The following PABPC4L variants were observed in gnomAD, a reference collection of about 807,000 sequenced individuals.
PABPC4L encodes the protein polyadenylate-binding protein 4-like.
For missense variants in PABPC4L, 452 were observed against 451.4 expected (o/e 1.00, Z -0.01); for synonymous variants, 169 against 164.1 (o/e 1.03, Z -0.23).
At chr4:133,987,186 ACTGCTCATATCACATTGTC>A in the PABPC4L span, among the ~76,000 whole-genome samples, 1 of 152,198 alleles carries the variant, frequency 6.6e-6, no homozygotes, top group African/African-American at 2.4e-5. Context: ...AAATGTCAAT[ACTGCTCATATCACATTGTC>A]CTGTTACTTA....
chr4:133,972,257 T>C, the PABPC4L span, among the ~76,000 whole-genome samples: 5 of 152,176 alleles, frequency 3.3e-5, no homozygotes, highest in African/African-American at 1.2e-4. Flanking sequence ...TGGTTAGGGG[T>C]GATTAAAGCA....
the PABPC4L span, among the ~76,000 whole-genome samples, chr4:134,054,781 T>C: frequency 6.6e-6 from 1 of 152,068 alleles, no homozygotes; most frequent in East Asian, 1.9e-4. Context: ...TTGTTTAACC[T>C]TCCAACTCAT....
the PABPC4L span, among the ~76,000 whole-genome samples, chr4:133,996,418 C>G: frequency 1.3e-5 from 2 of 152,112 alleles, no homozygotes; most frequent in Admixed American, 6.5e-5. Flanking sequence ...CTTAATTGAG[C>G]CTGCGAGACG....
the PABPC4L span, among the ~76,000 whole-genome samples, chr4:134,151,937 T>A: frequency 6.6e-6 from 1 of 151,410 alleles, no homozygotes; most frequent in Admixed American, 6.6e-5. Context: ...TTGCAAAAAA[T>A]AATGTAACAT....
the PABPC4L span, among the ~76,000 whole-genome samples, chr4:133,976,833 G>A: frequency 2.3e-3 from 347 of 151,954 alleles, 1 homozygote; most frequent in Non-Finnish European, 1.7e-3. Flanking sequence ...GTAAATTTGC[G>A]TGAGTTCCTT....
At chr4:134,194,648 T>C (rs906851116), downstream of PABPC4L, among the ~76,000 whole-genome samples, 1 of 151,736 alleles carries the variant, frequency 6.6e-6, no homozygotes, top group African/African-American at 2.4e-5. Flanking sequence ...GCTTTCACCA[T>C]ATATTTTTTC....
At chr4:134,116,273 C>T in the PABPC4L span, among the ~76,000 whole-genome samples, 1 of 151,706 alleles carries the variant, frequency 6.6e-6, no homozygotes, top group African/African-American at 2.4e-5. Context: ...GTGGAAGAGT[C>T]ACATTACATG....
chr4:133,975,853 A>G, the PABPC4L span, among the ~76,000 whole-genome samples: 3 of 152,176 alleles, frequency 2.0e-5, no homozygotes, highest in African/African-American at 4.8e-5. Flanking sequence ...ATCCTGATAT[A>G]AAAATATAAG....
At chr4:134,105,503 T>C in the PABPC4L span, among the ~76,000 whole-genome samples, 1 of 151,686 alleles carries the variant, frequency 6.6e-6, no homozygotes, top group Non-Finnish European at 1.5e-5. Context: ...TTGCTGATTC[T>C]AAGGATGCCT....
the PABPC4L span, among the ~76,000 whole-genome samples, chr4:134,145,768 CAT>C: frequency 1.7e-4 from 26 of 151,944 alleles, no homozygotes; most frequent in South Asian, 5.4e-3. Context: ...AAATAAATAA[CAT>C]GTTTTTCTAG....
At chr4:134,100,775 G>C in the PABPC4L span, among the ~76,000 whole-genome samples, 2 of 151,438 alleles carry the variant, frequency 1.3e-5, no homozygotes, top group African/African-American at 4.8e-5. Context: ...GTAAATTACA[G>C]TTCAAATTTT....
At chr4:134,001,905 C>T in the PABPC4L span, among the ~76,000 whole-genome samples, 1 of 151,932 alleles carries the variant, frequency 6.6e-6, no homozygotes, top group Non-Finnish European at 1.5e-5. Context: ...CAGTAGTGTT[C>T]ATGGTTTCAG....
chr4:134,165,405 A>T, the PABPC4L span, among the ~76,000 whole-genome samples: 109 of 152,312 alleles, frequency 7.2e-4, no homozygotes, highest in African/African-American at 2.5e-3. Context: ...TCTAGTATCC[A>T]GGGTTTATAA....
chr4:133,957,163 T>C, the PABPC4L span, among the ~76,000 whole-genome samples: 1 of 152,176 alleles, frequency 6.6e-6, no homozygotes, highest in Non-Finnish European at 1.5e-5. Context: ...GCAAGTCCCT[T>C]CTGCCTATGA....
chr4:134,103,596 C>T, the PABPC4L span, among the ~76,000 whole-genome samples: 1 of 151,716 alleles, frequency 6.6e-6, no homozygotes, highest in Non-Finnish European at 1.5e-5. Flanking sequence ...TTAAAGATCA[C>T]ATCTTCAAAT....
the PABPC4L span, among the ~76,000 whole-genome samples, chr4:134,189,317 C>CG: frequency 1.4e-4 from 11 of 80,604 alleles, no homozygotes; most frequent in Non-Finnish European, 2.2e-4. Flanking sequence ...TGTATCTCTT[C>CG]AAATTGCATT....
chr4:134,057,630 T>C, the PABPC4L span, among the ~76,000 whole-genome samples: 2 of 152,058 alleles, frequency 1.3e-5, no homozygotes, highest in Non-Finnish European at 2.9e-5. Context: ...GAAGGGAGCA[T>C]TAAGGTGAGC....
chr4:134,164,864 T>A, the PABPC4L span, among the ~76,000 whole-genome samples: 1 of 152,096 alleles, frequency 6.6e-6, no homozygotes, highest in South Asian at 2.1e-4. Context: ...CATTACCTGA[T>A]TTCAAATTAT....
chr4:134,069,344 T>A, the PABPC4L span, among the ~76,000 whole-genome samples: 2 of 152,142 alleles, frequency 1.3e-5, no homozygotes, highest in Non-Finnish European at 2.9e-5. Flanking sequence ...GTTCTCTGCA[T>A]TTTTTGAACT....
Sources: gnomAD v4.1 joint callset for allele counts (sites outside exome capture counted in the v4.1 genomes callset) on GRCh38, gnomAD v4.1.1 for gene constraint, MANE v1.5 for transcripts, NCBI Gene and HGNC (gene_info 2026-07-23, HGNC 2026-07-21) for gene names.